SPIRE1: variants seen among roughly 807,000 people sequenced by gnomAD.
SPIRE1 encodes the protein spire type actin nucleation factor 1.
SPIRE1 carries 40 observed loss-of-function variants against 94.1 expected under a neutral mutation model. That is an observed-to-expected ratio of 0.43 (90% CI 0.33 to 0.55). The LOEUF is 0.55. Ranked by LOEUF, SPIRE1 falls within the 20% of genes least tolerant of loss-of-function variation. SPIRE1 has a pLI of 0.06. For synonymous variants in SPIRE1, 376 were observed against 371.7 expected (o/e 1.01, Z -0.13); for missense variants, 838 against 975.2 (o/e 0.86, Z 1.87).
chr18:12,634,295 T>C (rs1598564273), intron 2 of SPIRE1, among the ~76,000 whole-genome samples: 1 of 151,178 alleles, frequency 6.6e-6, no homozygotes, highest in Non-Finnish European at 1.5e-5. Flanking sequence ...ATAAACCTAC[T>C]TGTATAAATA....
intron 8 of SPIRE1, among the ~76,000 whole-genome samples, chr18:12,488,945 G>A (rs573181209): frequency 2.0e-5 from 3 of 152,224 alleles, no homozygotes; most frequent in East Asian, 1.9e-4. Flanking sequence ...CAGCACTTTC[G>A]GAGGCCGAGA....
intron 2 of SPIRE1, among the ~76,000 whole-genome samples, chr18:12,560,386 T>C (rs1249437666): frequency 1.3e-5 from 2 of 152,200 alleles, no homozygotes; most frequent in East Asian, 1.9e-4. Flanking sequence ...ATATATCTAA[T>C]AGAATACTAT....
intron 2 of SPIRE1, among the ~76,000 whole-genome samples, chr18:12,567,174 A>G (rs1323686383): frequency 6.6e-6 from 1 of 152,234 alleles, no homozygotes; most frequent in African/African-American, 2.4e-5. Flanking sequence ...AATACATATC[A>G]GCAATGAACA....
At position 12,493,099 on chromosome 18, in the gene SPIRE1, G is replaced by C; in HGVS notation, c.1162C>G (p.Pro388Ala). The C allele has an allele frequency of 6.2e-7, 1 of 1,613,480 alleles. No homozygotes were observed. Among genetic ancestry groups the C allele is most frequent in the East Asian group, 2.2e-5 (1 of 44,868 alleles). Residue 388 changes from proline (P) to alanine (A), a missense_variant, in exon 8 of 17, where the codon CCA becomes GCA. Pro to Ala is a conservative substitution (Grantham distance 27). Around this residue, in one of 2 missense-constraint regions of SPIRE1, gnomAD observed 645 missense variants for 804.7 expected, o/e 0.80. Transcript: ENST00000409402. The stretch of plus-strand genomic sequence containing the variant: ...AATCTGCTACGTCTAATCTCCTCTG[G>C]TGATACAGGCCGCAGCTTTCTTTCT... ...KAERKLRPVS[P>A]EEIRRSRLAM... is the part of the protein sequence containing the mutation.
chr18:12,474,425 G>C (rs1219677856), intron 10 of SPIRE1, among the ~76,000 whole-genome samples: 1 of 151,702 alleles, frequency 6.6e-6, no homozygotes. Context: ...GGAAGGGTGG[G>C]TGGTGGTGGG....
At chr18:12,452,563 TG>T (rs1332302801) in intron 14 of SPIRE1, 51 bp from the exon 15 acceptor site, 1 of 1,594,718 alleles carries the variant, frequency 6.3e-7, no homozygotes, top group African/African-American at 1.3e-5. Context: ...GGGACGCAAC[TG>T]GGAGTTAGAG....
intron 12 of SPIRE1, among the ~76,000 whole-genome samples, chr18:12,461,506 GTACGTACA>G (rs1568184015): frequency 7.1e-6 from 1 of 140,972 alleles, no homozygotes; most frequent in Non-Finnish European, 1.6e-5. Context: ...ACGTACATAT[GTACGTACA>G]TACATATGTG....
rs1251620609 is a variant in SPIRE1, at chr18:12,463,359, G to A, written c.1630C>T (p.Arg544Cys). ...GTCTTTCCTGTACTTACAAGAGAGC[G>A]GGAACTCTGCCTGGAAGGCGGCAGG... ...QFLPPSRQSS[R>C]SLEEFCYPVE... is the part of the protein sequence containing the mutation. The change falls in exon 12 of 17, where the codon CGC becomes TGC. Residue 544 changes from arginine to cysteine, a missense_variant. Arg to Cys is a radical substitution (Grantham distance 180). Around this residue, in one of 2 missense-constraint regions of SPIRE1, gnomAD observed 645 missense variants for 804.7 expected, o/e 0.80. Coordinates refer to ENST00000409402, the MANE Select transcript of SPIRE1 (RefSeq NM_001128626.2). 3 of 1,612,844 alleles carry A rather than the reference G, an allele frequency of 1.9e-6. No homozygotes were observed. The highest frequency in any genetic ancestry group is 1.3e-5 in the African/African-American group (1 of 74,902).
intron 2 of SPIRE1, among the ~76,000 whole-genome samples, chr18:12,613,428 T>A (rs1361060421): frequency 6.6e-6 from 1 of 152,208 alleles, no homozygotes. Flanking sequence ...TCTTGTCCCT[T>A]CAAACATCTC....
chr18:12,621,513 T>C (rs1337858278), intron 2 of SPIRE1, among the ~76,000 whole-genome samples: 2 of 152,146 alleles, frequency 1.3e-5, no homozygotes, highest in East Asian at 3.8e-4. Flanking sequence ...ATACAGTATA[T>C]CCATACTATG....
At chr18:12,492,078 G>A (rs972074898) in intron 8 of SPIRE1, among the ~76,000 whole-genome samples, 25 of 152,296 alleles carry the variant, frequency 1.6e-4, no homozygotes, top group African/African-American at 5.5e-4. Flanking sequence ...ACAGCTGGAC[G>A]TATGAGTCTG....
At chr18:12,650,550 A>C (rs1461175451) in intron 1 of SPIRE1, among the ~76,000 whole-genome samples, 5 of 151,950 alleles carry the variant, frequency 3.3e-5, no homozygotes, top group Non-Finnish European at 2.9e-5. Flanking sequence ...CTCTACTAAA[A>C]ATACAAAAAA....
At chr18:12,508,212 C>T (rs2033904133) in intron 5 of SPIRE1, among the ~76,000 whole-genome samples, 1 of 151,900 alleles carries the variant, frequency 6.6e-6, no homozygotes, top group South Asian at 2.1e-4. Context: ...GCTGTAAAAT[C>T]AAGTGATATA....
intron 2 of SPIRE1, among the ~76,000 whole-genome samples, chr18:12,585,036 C>A (rs990464920): frequency 6.6e-6 from 1 of 152,078 alleles, no homozygotes; most frequent in Non-Finnish European, 1.5e-5. Flanking sequence ...GAACTCTTGA[C>A]CTCGTGATCC....
chr18:12,627,600 G>C (rs1358450884), intron 2 of SPIRE1, among the ~76,000 whole-genome samples: 1 of 152,152 alleles, frequency 6.6e-6, no homozygotes, highest in Non-Finnish European at 1.5e-5. Context: ...AGGTCAAATG[G>C]TATTTCTAGT....
At chr18:12,599,051 G>GT (rs2036759035) in intron 2 of SPIRE1, among the ~76,000 whole-genome samples, 1 of 152,222 alleles carries the variant, frequency 6.6e-6, no homozygotes, top group South Asian at 2.1e-4. Flanking sequence ...CCGCTGGAGA[G>GT]TAAGTCACAA....
At chr18:12,647,048 A>G (rs941705482) in intron 1 of SPIRE1, among the ~76,000 whole-genome samples, 1 of 151,584 alleles carries the variant, frequency 6.6e-6, no homozygotes, top group African/African-American at 2.4e-5. Context: ...CTGACTCAAA[A>G]AAAAAAAAAA....
chr18:12,499,235 T>A (rs1189400465), intron 6 of SPIRE1, among the ~76,000 whole-genome samples: 1 of 151,786 alleles, frequency 6.6e-6, no homozygotes, highest in Middle Eastern at 3.2e-3. Flanking sequence ...TACCTAGTTG[T>A]CCCAATATCA....
At chr18:12,582,945 T>C (rs1203562360) in intron 2 of SPIRE1, among the ~76,000 whole-genome samples, 1 of 152,142 alleles carries the variant, frequency 6.6e-6, no homozygotes, top group Non-Finnish European at 1.5e-5. Context: ...ACATATACAG[T>C]GAACCGCCCA....
Sources: allele counts gnomAD v4.1 joint callset (sites outside exome capture counted in the v4.1 genomes callset), GRCh38; gene constraint gnomAD v4.1.1; regional missense constraint gnomAD v4.1.1; transcripts MANE v1.5; gene names NCBI Gene and HGNC (gene_info 2026-07-23, HGNC 2026-07-21).